Variants in GRIN1 observed in about 807,000 individuals in gnomAD.
GRIN1 encodes the protein glutamate ionotropic receptor NMDA type subunit 1.
A neutral mutation model predicts 103.0 loss-of-function variants in GRIN1; 38 were observed. The ratio of observed to expected loss-of-function variants is 0.37; its 90% CI spans 0.28 to 0.48. GRIN1 has a LOEUF of 0.48. Ranked by LOEUF, GRIN1 falls within the 20% of genes least tolerant of loss-of-function variation. The probability of loss-of-function intolerance (pLI) is 0.98; values close to 1 mark genes in which losing one functional copy is unlikely to be tolerated. For synonymous variants in GRIN1, 544 were observed against 532.7 expected, an observed-to-expected ratio of 1.02 and a Z score of -0.29; for missense variants, 577 against 1,288.9, an observed-to-expected ratio of 0.45 and a Z score of 8.46.
chr9:137,148,854 G>A (rs900213922), intron 3 of GRIN1, among the ~76,000 whole-genome samples, 155 bp from the exon 4 acceptor site: 1 of 152,210 alleles, frequency 6.6e-6, no homozygotes, highest in Non-Finnish European at 1.5e-5. Flanking sequence ...GGCAAGGACT[G>A]AGGAAGGCAG....
At chr9:137,153,650 C>T (rs2131258800) in intron 4 of GRIN1, among the ~76,000 whole-genome samples, 1 of 152,248 alleles carries the variant, frequency 6.6e-6, no homozygotes, top group Non-Finnish European at 1.5e-5. Flanking sequence ...ATACGCACAC[C>T]TACATACATG....
intron 6 of GRIN1, 115 bp downstream of exon 6, chr9:137,157,152 T>C (rs1833279784): frequency 1.2e-6 from 1 of 820,270 alleles, no homozygotes; most frequent in Non-Finnish European, 1.7e-6. Flanking sequence ...TCTCCAGAGC[T>C]GGGCGGAGCA....
In GRIN1 at chr9:137,162,966, G is replaced by GA; in HGVS notation, c.2135dup (p.Ser713GlufsTer87). The GA allele has an allele frequency of 6.2e-7, 1 of 1,607,210 alleles. No homozygotes were observed. Among genetic ancestry groups the GA allele is most frequent in the Non-Finnish European group, 8.5e-7 (1 of 1,177,728 alleles). On this transcript the variant is annotated frameshift_variant, in exon 15 of 20. Coordinates refer to ENST00000371561, the MANE Select transcript of GRIN1 (RefSeq NM_007327.4). LOFTEE classifies it high-confidence loss of function. Reference sequence around the variant, plus strand: ...CCGGCATATGGAGAAGCACAACTACGAGAGTGCGGCGGAGGCCATCCAGGC... The same window carrying GA: ...CCGGCATATGGAGAAGCACAACTACGAAGAGTGCGGCGGAGGCCATCCAGGC...
intron 3 of GRIN1, chr9:137,148,302 C>T (rs62585943): frequency 8.3e-6 from 7 of 841,164 alleles, no homozygotes; most frequent in African/African-American, 3.4e-5. Context: ...CTGGCCCAGC[C>T]GCCGAGCCGC....
intron 8 of GRIN1, among the ~76,000 whole-genome samples, chr9:137,159,734 A>C (rs2131284778): frequency 6.6e-6 from 1 of 152,384 alleles, no homozygotes. Context: ...ATGTAATGAA[A>C]GTTTTATAAA....
Position 137,156,612 on chromosome 9 carries a change from G to A in GRIN1, c.672-57G>A, listed in dbSNP as rs1833235892. The A allele has an allele frequency of 3.2e-6, 5 of 1,576,910 alleles. No individual in the cohort carries two copies. The East Asian group carries it at 7.0e-5, about 22-fold the overall frequency. On this transcript the variant is annotated intron_variant, in intron 4 of 19. Transcript: ENST00000371561. ...CCAGAGGAGGAGGACCTGGGCCTGC[G>A]GAGCGCCGCGGTGGGAGTGCTGGAG... is the stretch of plus-strand genomic sequence containing the variant.
chr9:137,161,025 G>A, intron 8 of GRIN1, 31 bp from the exon 9 acceptor site: 1 of 1,612,072 alleles, frequency 6.2e-7, no homozygotes, highest in Non-Finnish European at 8.5e-7. Context: ...TTAGGTCGGT[G>A]GTCCAGGCTG....
At chr9:137,140,652 C>T (rs1832117830) in intron 1 of GRIN1, among the ~76,000 whole-genome samples, 3 of 152,254 alleles carry the variant, frequency 2.0e-5, no homozygotes, top group Admixed American at 2.0e-4. Context: ...CACGTGCAAA[C>T]ATGCACATTT....
intron 8 of GRIN1, among the ~76,000 whole-genome samples, chr9:137,160,705 C>A (rs1391666305): frequency 6.6e-6 from 1 of 152,232 alleles, no homozygotes; most frequent in Admixed American, 6.5e-5. Flanking sequence ...GCTGGGATTA[C>A]AGGCGTGAGC....
chr9:137,164,930 C>G (rs913169749), intron 18 of GRIN1: 1 of 493,974 alleles, frequency 2.0e-6, no homozygotes, highest in South Asian at 2.0e-5. Flanking sequence ...GGGAGCCAGG[C>G]GGACCTCCCA....
intron 4 of GRIN1, among the ~76,000 whole-genome samples, chr9:137,149,484 T>C (rs551997855): frequency 8.5e-5 from 13 of 152,258 alleles, no homozygotes; most frequent in African/African-American, 3.1e-4. Context: ...AGGGAAGTGA[T>C]GTGCAGGTGT....
intron 8 of GRIN1, 21 bp from the exon 9 acceptor site, chr9:137,161,035 G>A (rs752104406): frequency 6.2e-7 from 1 of 1,612,410 alleles, no homozygotes; most frequent in Non-Finnish European, 8.5e-7. Flanking sequence ...GGTCCAGGCT[G>A]GGTCTCCCCT....
chr9:137,152,845 A>T (rs1001342336), intron 4 of GRIN1, among the ~76,000 whole-genome samples: 2 of 152,120 alleles, frequency 1.3e-5, no homozygotes, highest in African/African-American at 4.8e-5. Flanking sequence ...CTATAGTCAC[A>T]CCATGCATAC....
At chr9:137,166,501 T>C (rs1176146560) in intron 19 of GRIN1, among the ~76,000 whole-genome samples, 1 of 152,148 alleles carries the variant, frequency 6.6e-6, no homozygotes, top group African/African-American at 2.4e-5. Context: ...GGAAGTGCGA[T>C]TTGCAGCCAC....
chr9:137,161,251 G>GTGGGGCA, intron 9 of GRIN1, 38 bp from the exon 10 acceptor site: 3 of 1,610,376 alleles, frequency 1.9e-6, no homozygotes, highest in Non-Finnish European at 2.5e-6. Context: ...GGCGTGGGGC[G>GTGGGGCA]GTCTGGAGCC....
intron 8 of GRIN1, 155 bp downstream of exon 8, chr9:137,158,859 G>A (rs1377440754): frequency 7.5e-6 from 5 of 666,972 alleles, no homozygotes; most frequent in Non-Finnish European, 1.3e-5. Flanking sequence ...AGCACACCTG[G>A]CACAGCACAG....
At chr9:137,147,280 C>T (rs956981646) in intron 3 of GRIN1, among the ~76,000 whole-genome samples, 3 of 151,946 alleles carry the variant, frequency 2.0e-5, no homozygotes, top group Admixed American at 1.3e-4. Context: ...TACTCAGGTG[C>T]GCTCCTCACA....
intron 3 of GRIN1, chr9:137,148,222 T>C (rs1431761901): frequency 6.5e-7 from 1 of 1,534,714 alleles, no homozygotes. Context: ...AAGGTATATA[T>C]GCATGGACGT....
intron 3 of GRIN1, among the ~76,000 whole-genome samples, chr9:137,147,872 G>A (rs756372537): frequency 9.2e-5 from 14 of 152,156 alleles, no homozygotes; most frequent in African/African-American, 1.9e-4. Context: ...CCCTCCGAAC[G>A]GTGGACGCGG....
Sources: gnomAD v4.1 joint callset for allele counts (sites outside exome capture counted in the v4.1 genomes callset) on GRCh38, gnomAD v4.1.1 for gene constraint, MANE v1.5 for transcripts, NCBI Gene and HGNC (gene_info 2026-07-23, HGNC 2026-07-21) for gene names.